Variants in CEP63 observed in about 807,000 individuals in gnomAD.
CEP63 encodes centrosomal protein of 63 kDa.
CEP63 carries 84 observed loss-of-function variants against 89.1 expected under a neutral mutation model. The ratio of observed to expected loss-of-function variants is 0.94; its 90% CI spans 0.79 to 1.13. The LOEUF (loss-of-function observed/expected upper bound fraction) is 1.13. Ranked by LOEUF, CEP63 falls within the 50% of genes most tolerant of loss-of-function variation. The probability of loss-of-function intolerance (pLI) is 0.00; values close to 1 mark genes in which losing one functional copy is unlikely to be tolerated. For missense variants in CEP63, 838 were observed against 813.3 expected (o/e 1.03, Z -0.37); for synonymous variants, 267 against 272.5 (o/e 0.98, Z 0.20).
At chr3:134,774,691 C>T in the CEP63 span, among the ~76,000 whole-genome samples, 7 of 152,082 alleles carry the variant, frequency 4.6e-5, no homozygotes, top group African/African-American at 9.7e-5. Context: ...GTGAACAGAG[C>T]GGGGTTCAAG....
At chr3:134,538,567 T>TATA (rs1161873212) in intron 6 of CEP63, among the ~76,000 whole-genome samples, 1 of 96,190 alleles carries the variant, frequency 1.0e-5, no homozygotes, top group Non-Finnish European at 2.5e-5. Flanking sequence ...ATATATATAT[T>TATA]TTTTTAACAA....
chr3:134,586,065 C>T (rs1374642834), intron 10 of CEP63, among the ~76,000 whole-genome samples: 2 of 152,012 alleles, frequency 1.3e-5, no homozygotes, highest in Non-Finnish European at 2.9e-5. Context: ...CTTCCTCCAT[C>T]CCTTTATTTT....
chr3:134,587,492 C>G (rs1236318969), exon 11 of CEP63, among the ~76,000 whole-genome samples: 1 of 152,162 alleles, frequency 6.6e-6, no homozygotes, highest in African/African-American at 2.4e-5. Flanking sequence ...GAGGTCCACT[C>G]CAGACGCTGT....
the CEP63 span, among the ~76,000 whole-genome samples, chr3:134,711,016 G>A: frequency 4.5e-4 from 68 of 152,084 alleles, no homozygotes; most frequent in African/African-American, 1.4e-3. Context: ...CACTGTGCCC[G>A]GCCTATCCAT....
At chr3:134,604,344 T>G in the CEP63 span, 3 of 1,613,992 alleles carry the variant, frequency 1.9e-6, no homozygotes, top group Admixed American at 1.7e-5. Flanking sequence ...TGCCCATGGT[T>G]GGAGGGTACA....
chr3:134,729,574 G>C, the CEP63 span, among the ~76,000 whole-genome samples: 60 of 152,286 alleles, frequency 3.9e-4, no homozygotes, highest in African/African-American at 1.4e-3. Flanking sequence ...AAAAGGGTAA[G>C]ATCTGGTTCA....
chr3:134,643,617 G>C, the CEP63 span, among the ~76,000 whole-genome samples: 1 of 152,238 alleles, frequency 6.6e-6, no homozygotes, highest in Non-Finnish European at 1.5e-5. Context: ...GCAGGTGCCA[G>C]CACAGGCTGG....
At chr3:134,773,237 A>G in the CEP63 span, among the ~76,000 whole-genome samples, 130,921 of 152,094 alleles carry the variant, frequency 0.86, 56,430 homozygotes, top group East Asian at 0.92. Flanking sequence ...CTCATGGGTG[A>G]GACCAAGGCC....
the CEP63 span, among the ~76,000 whole-genome samples, chr3:134,661,354 G>C: frequency 1.3e-5 from 2 of 152,058 alleles, no homozygotes; most frequent in Admixed American, 6.6e-5. Flanking sequence ...AATATGCTTT[G>C]TCCATTCACC....
chr3:134,532,147 GC>G (rs1405924851), intron 4 of CEP63, among the ~76,000 whole-genome samples: 1 of 152,178 alleles, frequency 6.6e-6, no homozygotes, highest in Non-Finnish European at 1.5e-5. Flanking sequence ...TAGAAGAGAT[GC>G]TAAAATATGT....
the CEP63 span, chr3:134,625,014 C>A: frequency 6.5e-7 from 1 of 1,550,160 alleles, no homozygotes; most frequent in South Asian, 1.2e-5. Context: ...TCTAAGCCAC[C>A]TTGAAGGGGC....
chr3:134,625,609 G>A, the CEP63 span, among the ~76,000 whole-genome samples: 1 of 152,238 alleles, frequency 6.6e-6, no homozygotes, highest in African/African-American at 2.4e-5. Flanking sequence ...TGGGGTGGAG[G>A]TGCCAAAGGA....
chr3:134,549,973 G>C (rs779851581), intron 10 of CEP63, 90 bp from the exon 11 acceptor site: 16 of 931,168 alleles, frequency 1.7e-5, no homozygotes, highest in Non-Finnish European at 2.7e-5. Context: ...TTGAGATAAG[G>C]TGAACTTTTA....
Position 134,522,222 on chromosome 3 carries a change from A to T in CEP63, c.223-9623A>T, listed in dbSNP as rs183643521. Reference sequence around the variant, plus strand: ...TTGGGATTTATCTAATCTGTTAGTGATGGATGAAAAGACTCAAAGTGCCAA... The same window carrying T: ...TTGGGATTTATCTAATCTGTTAGTGTTGGATGAAAAGACTCAAAGTGCCAA... On this transcript the variant is annotated intron_variant, in intron 3 of 14. Coordinates refer to ENST00000675561, the MANE Select transcript of CEP63 (RefSeq NM_001353108.3). Among the ~76,000 whole-genome samples the T allele has an allele frequency of 1.9e-4, 29 of 152,274 alleles. 1 individual carries two copies. The East Asian group carries it at 5.4e-3, about 28-fold the overall frequency.
the CEP63 span, among the ~76,000 whole-genome samples, chr3:134,706,772 G>A: frequency 3.9e-5 from 6 of 152,308 alleles, no homozygotes; most frequent in East Asian, 9.6e-4. Context: ...ATGCTCTGAA[G>A]GAGAATCTGT....
chr3:134,612,751 CTGTGTG>C, the CEP63 span, among the ~76,000 whole-genome samples: 364 of 125,478 alleles, frequency 2.9e-3, 1 homozygote, highest in African/African-American at 8.5e-3. Flanking sequence ...CACGCCGATG[CTGTGTG>C]TGTGTGTGTG....
At chr3:134,554,487 TGGACATTTG>T (rs1345390000) in intron 12 of CEP63, among the ~76,000 whole-genome samples, 3 of 148,052 alleles carry the variant, frequency 2.0e-5, no homozygotes, top group Admixed American at 2.0e-4. Context: ...CTATCATTGT[TGGACATTTG>T]GGTTGCTTCC....
chr3:134,560,264 GGA>G (rs1957111634), intron 14 of CEP63, among the ~76,000 whole-genome samples: 1 of 152,078 alleles, frequency 6.6e-6, no homozygotes, highest in Admixed American at 6.6e-5. Context: ...TTTGGTGATG[GGA>G]TGTTCCCTCA....
the CEP63 span, among the ~76,000 whole-genome samples, chr3:134,729,830 G>A: frequency 2.0e-5 from 3 of 152,214 alleles, no homozygotes; most frequent in Non-Finnish European, 2.9e-5. Context: ...GGGCAGGGCG[G>A]GTTGTGTGAC....
Sources: allele counts gnomAD v4.1 joint callset (sites outside exome capture counted in the v4.1 genomes callset), GRCh38; gene constraint gnomAD v4.1.1; transcripts MANE v1.5; gene names NCBI Gene and HGNC (gene_info 2026-07-23, HGNC 2026-07-21).